PNLIPRP3: variants seen among roughly 807,000 people sequenced by gnomAD.
PNLIPRP3 encodes pancreatic lipase-related protein 3.
In PNLIPRP3, 58 loss-of-function variants were observed where a neutral mutation model predicts 52.8. The observed-to-expected ratio is 1.10, with a 90% confidence interval of 0.89 to 1.37. The LOEUF is 1.37. Ranked by LOEUF, PNLIPRP3 falls within the 40% of genes most tolerant of loss-of-function variation. The probability of loss-of-function intolerance (pLI) is 0.00; values close to 1 mark genes in which losing one functional copy is unlikely to be tolerated. For synonymous variants in PNLIPRP3, 192 were observed against 185.0 expected (o/e 1.04, Z -0.31); for missense variants, 593 against 561.6 (o/e 1.06, Z -0.57).
At chr10:116,428,494 A>G (rs1845667785) in intron 1 of PNLIPRP3, among the ~76,000 whole-genome samples, 1 of 152,172 alleles carries the variant, frequency 6.6e-6, no homozygotes, top group Non-Finnish European at 1.5e-5. Flanking sequence ...TAGCTGACTC[A>G]TAGTAGATAC....
chr10:116,456,782 A>C (rs1323134461), intron 5 of PNLIPRP3, among the ~76,000 whole-genome samples: 1 of 152,000 alleles, frequency 6.6e-6, no homozygotes, highest in Admixed American at 6.6e-5. Flanking sequence ...GCATCCCCCC[A>C]CCAACAGCCA....
intron 10 of PNLIPRP3, 118 bp downstream of exon 10, chr10:116,471,997 G>T: frequency 3.5e-6 from 2 of 565,510 alleles, no homozygotes; most frequent in Non-Finnish European, 6.2e-6. Context: ...AGGCTACCAT[G>T]GTATCTTTGA....
At chr10:116,451,277 C>G (rs1164778229) in intron 4 of PNLIPRP3, among the ~76,000 whole-genome samples, 3 of 152,050 alleles carry the variant, frequency 2.0e-5, no homozygotes, top group African/African-American at 7.2e-5. Context: ...ACACACAAAT[C>G]AATTTGAAAT....
intron 2 of PNLIPRP3, among the ~76,000 whole-genome samples, chr10:116,437,102 C>T (rs1225235658): frequency 6.6e-6 from 1 of 152,044 alleles, no homozygotes; most frequent in Non-Finnish European, 1.5e-5. Context: ...AACAGGTAAA[C>T]TTGATATTAT....
chr10:116,436,273 G>T (rs1380671739), intron 1 of PNLIPRP3, among the ~76,000 whole-genome samples: 2 of 63,718 alleles, frequency 3.1e-5, no homozygotes, highest in Admixed American at 2.3e-4. Flanking sequence ...TCAACAAATG[G>T]TATTGGGAAT....
At chr10:116,431,045 A>G (rs1565739827) in intron 1 of PNLIPRP3, among the ~76,000 whole-genome samples, 1 of 152,232 alleles carries the variant, frequency 6.6e-6, no homozygotes, top group African/African-American at 2.4e-5. Context: ...GCTCTGGCCA[A>G]AACACCTTGC....
intron 10 of PNLIPRP3, among the ~76,000 whole-genome samples, chr10:116,472,196 T>C (rs1057204470): frequency 5.9e-5 from 9 of 152,222 alleles, no homozygotes; most frequent in African/African-American, 2.2e-4. Context: ...CTTAATATTA[T>C]ACAAATATAA....
intron 4 of PNLIPRP3, among the ~76,000 whole-genome samples, chr10:116,451,279 A>G (rs1032716602): frequency 5.3e-5 from 8 of 152,226 alleles, no homozygotes; most frequent in African/African-American, 1.9e-4. Context: ...ACACAAATCA[A>G]TTTGAAATAG....
At chr10:116,438,379 T>C (rs998127886) in intron 2 of PNLIPRP3, among the ~76,000 whole-genome samples, 3 of 152,194 alleles carry the variant, frequency 2.0e-5, no homozygotes, top group Non-Finnish European at 4.4e-5. Context: ...CAGGGCTTAC[T>C]TTCCATCAGG....
chr10:116,430,146 G>T (rs912833880), intron 1 of PNLIPRP3, among the ~76,000 whole-genome samples: 1 of 152,122 alleles, frequency 6.6e-6, no homozygotes, highest in African/African-American at 2.4e-5. Context: ...TTCATCTCTT[G>T]TGAACAGAGT....
chr10:116,456,465 T>C (rs1191858966), intron 5 of PNLIPRP3, among the ~76,000 whole-genome samples: 1 of 152,182 alleles, frequency 6.6e-6, no homozygotes, highest in African/African-American at 2.4e-5. Flanking sequence ...GGACAACTAT[T>C]ATATATCAAT....
chr10:116,460,348 A>T (rs1310558599), intron 5 of PNLIPRP3, among the ~76,000 whole-genome samples: 1 of 152,242 alleles, frequency 6.6e-6, no homozygotes, highest in Non-Finnish European at 1.5e-5. Flanking sequence ...ATTTTAAAGA[A>T]TTCCAGCTAT....
chr10:116,477,021 A>C, intron 11 of PNLIPRP3, 69 bp from the exon 12 acceptor site: 1 of 1,335,110 alleles, frequency 7.5e-7, no homozygotes, highest in Non-Finnish European at 1.0e-6. Flanking sequence ...AAATCGGGGG[A>C]TCTACCGTGT....
intron 10 of PNLIPRP3, among the ~76,000 whole-genome samples, chr10:116,472,904 A>T (rs901296301): frequency 6.6e-6 from 1 of 152,112 alleles, no homozygotes; most frequent in Admixed American, 6.5e-5. Flanking sequence ...CCTGTCTGCT[A>T]TTTTGTTTCT....
At chr10:116,472,756 T>C (rs1362540440) in intron 10 of PNLIPRP3, among the ~76,000 whole-genome samples, 1 of 152,174 alleles carries the variant, frequency 6.6e-6, no homozygotes, top group Non-Finnish European at 1.5e-5. Flanking sequence ...CTCCTAACCA[T>C]GTCTCCCACC....
intron 4 of PNLIPRP3, 85 bp from the exon 5 acceptor site, chr10:116,455,637 C>CT: frequency 1.2e-6 from 1 of 860,048 alleles, no homozygotes; most frequent in Non-Finnish European, 1.7e-6. Flanking sequence ...CCATGTTGAT[C>CT]CTTTTTTTTT....
At chr10:116,462,182 A>G (rs1162367358) in intron 7 of PNLIPRP3, among the ~76,000 whole-genome samples, 5 of 152,152 alleles carry the variant, frequency 3.3e-5, no homozygotes, top group Non-Finnish European at 7.3e-5. Flanking sequence ...AGTAGTTTCC[A>G]ATAATAATAG....
Position 116,466,118 on chromosome 10 carries a change from C to A in PNLIPRP3, c.877C>A (p.Pro293Thr). Reference sequence around the variant, plus strand: ...ATTTTATGCTGAAAGCATTCTTAATCCTGATGCATTTATTGCTTATCCTTG... The same window carrying A: ...ATTTTATGCTGAAAGCATTCTTAATACTGATGCATTTATTGCTTATCCTTG... Reference protein sequence around the residue: ...YQFYAESILNPDAFIAYPCRS... With the variant: ...YQFYAESILNTDAFIAYPCRS... Residue 293 changes from proline to threonine, a missense_variant, in exon 8 of 12, where the codon CCT (proline) becomes ACT (threonine). Coordinates refer to ENST00000369230, the MANE Select transcript of PNLIPRP3 (RefSeq NM_001011709.3). 1.2e-6 allele frequency: 2 copies of A among 1,613,630 alleles called. No individual in the cohort carries two copies. Among genetic ancestry groups the A allele is most frequent in the East Asian group, 2.2e-5 (1 of 44,858 alleles).
At chr10:116,457,297 C>A (rs1223717148) in intron 5 of PNLIPRP3, among the ~76,000 whole-genome samples, 2 of 152,172 alleles carry the variant, frequency 1.3e-5, no homozygotes, top group Non-Finnish European at 2.9e-5. Context: ...CCAGGCTTGG[C>A]CACAGAAGCG....
Sources: gnomAD v4.1 joint callset for allele counts (sites outside exome capture counted in the v4.1 genomes callset) on GRCh38, gnomAD v4.1.1 for gene constraint, MANE v1.5 for transcripts, NCBI Gene and HGNC (gene_info 2026-07-23, HGNC 2026-07-21) for gene names.